The following DNAJC1 variants were observed in gnomAD, a reference collection of about 807,000 sequenced individuals.
DNAJC1 encodes DnaJ heat shock protein family (Hsp40) member C1, also known as dnaJ homolog subfamily C member 1.
A neutral mutation model predicts 76.6 loss-of-function variants in DNAJC1; 58 were observed. That is an observed-to-expected ratio of 0.76 (90% CI 0.61 to 0.94). The LOEUF is 0.94. DNAJC1 is among the 40% of genes least tolerant of loss of function. The pLI is 0.00. For synonymous variants in DNAJC1, 258 were observed against 267.9 expected, an observed-to-expected ratio of 0.96 and a Z score of 0.36; for missense variants, 689 against 677.3, an observed-to-expected ratio of 1.02 and a Z score of -0.19.
chr10:21,776,986 TA>T (rs756699145), intron 9 of DNAJC1, among the ~76,000 whole-genome samples: 189 of 152,334 alleles, frequency 1.2e-3, no homozygotes, highest in Non-Finnish European at 2.2e-3. Flanking sequence ...TAACATGTAA[TA>T]GCTCAGGTAT....
chr10:21,814,363 C>T (rs1431133313), intron 8 of DNAJC1, among the ~76,000 whole-genome samples: 8 of 152,184 alleles, frequency 5.3e-5, no homozygotes, highest in Middle Eastern at 3.2e-3. Context: ...ACCACTGTAA[C>T]AAGTACTAAG....
intron 6 of DNAJC1, among the ~76,000 whole-genome samples, chr10:21,913,373 A>T (rs1288024232): frequency 6.6e-6 from 1 of 152,136 alleles, no homozygotes; most frequent in African/African-American, 2.4e-5. Flanking sequence ...ATCTCAGAAA[A>T]TGCAGAGAAC....
At chr10:21,793,931 C>G (rs1423061973) in intron 9 of DNAJC1, among the ~76,000 whole-genome samples, 1 of 151,940 alleles carries the variant, frequency 6.6e-6, no homozygotes, top group African/African-American at 2.4e-5. Context: ...CCAACCTGGG[C>G]AACAGAGTGA....
At chr10:21,768,837 C>T (rs1834333426) in intron 9 of DNAJC1, among the ~76,000 whole-genome samples, 1 of 152,094 alleles carries the variant, frequency 6.6e-6, no homozygotes, top group African/African-American at 2.4e-5. Context: ...GCATTCCTTC[C>T]CCTTGAGGCT....
rs1834514779 is a variant in DNAJC1 at position 21,780,582 on chromosome 10, G to A, written c.1099-14273C>T. Among the ~76,000 whole-genome samples, 3 of 152,168 alleles carry A rather than the reference G, an allele frequency of 2.0e-5. No individual in the cohort carries two copies. The South Asian group carries it at 6.2e-4, about 32-fold the overall frequency. ...TCACCACCAGGCCTGCCCTAAATGA[G>A]CTCCTGAAGGAAGCACGAAATATGG... On this transcript the variant is annotated intron_variant, in intron 9 of 11. Coordinates refer to ENST00000376980, the MANE Select transcript of DNAJC1 (RefSeq NM_022365.4).
intron 9 of DNAJC1, among the ~76,000 whole-genome samples, chr10:21,783,405 C>A (rs961773896): frequency 4.6e-5 from 7 of 152,094 alleles, no homozygotes; most frequent in Non-Finnish European, 1.0e-4. Flanking sequence ...TAAAAGAGGA[C>A]ACAAACAAAT....
In DNAJC1 at chr10:21,829,012, C is replaced by T. The variant is rs1032867873; in HGVS notation, c.979-22913G>A. ...TGCATAAAGATTATTAGGGTCAGTCCTCTTATTTTTTCCATCCCTTTACTT... is the reference window on the plus strand; with the variant it reads ...TGCATAAAGATTATTAGGGTCAGTCTTCTTATTTTTTCCATCCCTTTACTT... On this transcript the variant is annotated intron_variant, in intron 8 of 11. Coordinates refer to ENST00000376980, the MANE Select transcript of DNAJC1 (RefSeq NM_022365.4). Among the ~76,000 whole-genome samples the T allele has an allele frequency of 1.3e-5, 2 of 151,936 alleles. 1 individual carries two copies. Among genetic ancestry groups the T allele is most frequent in the African/African-American group, 4.8e-5 (2 of 41,376 alleles).
chr10:21,813,159 TCTCTCTCTCTCTCTCC>T (rs1433258139), intron 8 of DNAJC1, among the ~76,000 whole-genome samples: 133 of 84,468 alleles, frequency 1.6e-3, no homozygotes, highest in African/African-American at 1.8e-3. Flanking sequence ...TGTCTCTCTC[TCTCTCTCTCTCTCTCC>T]CTCTCTCTCT....
At chr10:21,778,473 T>C (rs1404456656) in intron 9 of DNAJC1, among the ~76,000 whole-genome samples, 3 of 152,252 alleles carry the variant, frequency 2.0e-5, no homozygotes, top group East Asian at 3.8e-4. Context: ...AGTACATTAC[T>C]GTACTGAGAA....
At chr10:21,822,015 G>A (rs1279528550) in intron 8 of DNAJC1, among the ~76,000 whole-genome samples, 1 of 152,072 alleles carries the variant, frequency 6.6e-6, no homozygotes, top group Non-Finnish European at 1.5e-5. Context: ...TCAACAGAAT[G>A]GTACCTGACT....
At chr10:21,777,781 ACT>A (rs1212981747) in intron 9 of DNAJC1, among the ~76,000 whole-genome samples, 2 of 152,178 alleles carry the variant, frequency 1.3e-5, no homozygotes, top group Non-Finnish European at 2.9e-5. Flanking sequence ...TCTTTTTAAA[ACT>A]CACATCTGTA....
At chr10:21,802,670 T>C (rs184957105) in intron 9 of DNAJC1, among the ~76,000 whole-genome samples, 1 of 152,276 alleles carries the variant, frequency 6.6e-6, no homozygotes, top group East Asian at 1.9e-4. Context: ...AAAAATCTCC[T>C]ATCAGTCTGT....
At chr10:21,785,781 T>C (rs1355648902) in intron 9 of DNAJC1, among the ~76,000 whole-genome samples, 1 of 151,062 alleles carries the variant, frequency 6.6e-6, no homozygotes, top group Admixed American at 6.6e-5. Flanking sequence ...TGACAGGAAA[T>C]GGAAGGCAGA....
intron 7 of DNAJC1, 32 bp from the exon 8 acceptor site, chr10:21,882,471 G>A (rs1836298910): frequency 7.6e-7 from 1 of 1,322,258 alleles, no homozygotes; most frequent in Non-Finnish European, 1.0e-6. Flanking sequence ...CAATTATTGA[G>A]ATTTTTAAAG....
At chr10:21,998,369 G>A (rs538088117) in intron 1 of DNAJC1, among the ~76,000 whole-genome samples, 16 of 115,890 alleles carry the variant, frequency 1.4e-4, no homozygotes, top group East Asian at 5.5e-4. Context: ...CAGCCTGGGC[G>A]ACAGAGCAAG....
chr10:21,814,359 G>GT (rs2131649502), intron 8 of DNAJC1, among the ~76,000 whole-genome samples: 1 of 152,270 alleles, frequency 6.6e-6, no homozygotes, highest in Non-Finnish European at 1.5e-5. Flanking sequence ...CTGTACCACT[G>GT]TAACAAGTAC....
At chr10:21,842,740 C>T (rs1590010270) in intron 8 of DNAJC1, among the ~76,000 whole-genome samples, 1 of 152,118 alleles carries the variant, frequency 6.6e-6, no homozygotes, top group Non-Finnish European at 1.5e-5. Flanking sequence ...GAGAAAATTC[C>T]ACCTCTGCCT....
At chr10:21,999,342 G>A (rs1838475527) in intron 1 of DNAJC1, among the ~76,000 whole-genome samples, 1 of 151,536 alleles carries the variant, frequency 6.6e-6, no homozygotes, top group African/African-American at 2.4e-5. Flanking sequence ...CTTTGTCTTT[G>A]AAACACTTTT....
intron 9 of DNAJC1, among the ~76,000 whole-genome samples, chr10:21,767,926 T>C (rs536265533): frequency 3.9e-5 from 6 of 151,912 alleles, no homozygotes; most frequent in South Asian, 2.1e-4. Context: ...ACCCAGGAGG[T>C]AGAGGTTGCA....
Sources: allele counts gnomAD v4.1 joint callset (sites outside exome capture counted in the v4.1 genomes callset), GRCh38; gene constraint gnomAD v4.1.1; transcripts MANE v1.5; gene names NCBI Gene and HGNC (gene_info 2026-07-23, HGNC 2026-07-21).